The following ZMAT4 variants were observed in gnomAD, a reference collection of about 807,000 sequenced individuals.
The protein encoded by ZMAT4 is zinc finger matrin-type 4, also known as zinc finger matrin-type protein 4.
A neutral mutation model predicts 28.7 loss-of-function variants in ZMAT4; 17 were observed. That is an observed-to-expected ratio of 0.59 (90% CI 0.41 to 0.89). The LOEUF is 0.89. ZMAT4 is among the 40% of genes least tolerant of loss of function. ZMAT4 has a pLI of 0.00. For synonymous variants in ZMAT4, 117 were observed against 109.2 expected (o/e 1.07, Z -0.44); for missense variants, 240 against 283.8 (o/e 0.85, Z 1.11).
intron 5 of ZMAT4, among the ~76,000 whole-genome samples, chr8:40,669,454 C>T (rs1808579599): frequency 6.6e-6 from 1 of 151,740 alleles, no homozygotes; most frequent in Non-Finnish European, 1.5e-5. Flanking sequence ...TGACTGTCTG[C>T]CTCTCCTTCC....
At chr8:40,856,951 A>G (rs1817320590) in intron 1 of ZMAT4, among the ~76,000 whole-genome samples, 1 of 152,194 alleles carries the variant, frequency 6.6e-6, no homozygotes, top group Non-Finnish European at 1.5e-5. Context: ...TAACCAGGCA[A>G]GCTCTGCTGT....
chr8:40,695,358 C>T (rs551757097), intron 4 of ZMAT4, among the ~76,000 whole-genome samples: 1 of 152,134 alleles, frequency 6.6e-6, no homozygotes, highest in Non-Finnish European at 1.5e-5. Flanking sequence ...TGCCACTTTC[C>T]AAGATCCTTT....
At chr8:40,892,633 G>C (rs1356597382) in intron 1 of ZMAT4, among the ~76,000 whole-genome samples, 1 of 152,234 alleles carries the variant, frequency 6.6e-6, no homozygotes, top group Non-Finnish European at 1.5e-5. Flanking sequence ...ACTGACTTGG[G>C]ACATGGAGGA....
chr8:40,730,458 G>A (rs1216714407), intron 3 of ZMAT4, among the ~76,000 whole-genome samples: 2 of 152,180 alleles, frequency 1.3e-5, no homozygotes, highest in East Asian at 3.9e-4. Context: ...TTATAAATGT[G>A]CATGAATGTG....
intron 6 of ZMAT4, among the ~76,000 whole-genome samples, chr8:40,541,338 C>A (rs146483808): frequency 1.3e-5 from 2 of 152,032 alleles, no homozygotes; most frequent in African/African-American, 4.8e-5. Context: ...GATCATGGGA[C>A]GTGGTGGGAT....
At chr8:40,568,486 C>A (rs991667874) in intron 6 of ZMAT4, among the ~76,000 whole-genome samples, 1 of 152,146 alleles carries the variant, frequency 6.6e-6, no homozygotes, top group Non-Finnish European at 1.5e-5. Context: ...GAAACCCCAA[C>A]CTTGGGCAAG....
intron 6 of ZMAT4, among the ~76,000 whole-genome samples, chr8:40,580,667 T>G (rs1335632349): frequency 1.3e-5 from 2 of 152,184 alleles, no homozygotes; most frequent in African/African-American, 4.8e-5. Flanking sequence ...AAAAATGGAA[T>G]AAGTTTCCAT....
chr8:40,668,468 CAAAAAAAAAAAAAAAAAAG>C (rs1390378934), intron 5 of ZMAT4, among the ~76,000 whole-genome samples: 1 of 85,024 alleles, frequency 1.2e-5, no homozygotes, highest in Non-Finnish European at 2.3e-5. Context: ...GACTTTGTCT[CAAAAAAAAAAAAAAAAAAG>C]AAAAGAAAAA....
intron 2 of ZMAT4, among the ~76,000 whole-genome samples, chr8:40,786,036 G>A (rs1814062379): frequency 6.6e-6 from 1 of 152,148 alleles, no homozygotes; most frequent in Non-Finnish European, 1.5e-5. Context: ...TGACTTCCAT[G>A]ACAAAACACA....
In ZMAT4 at chr8:40,782,835, A is replaced by T. The variant is rs562711667; in HGVS notation, c.103-15105T>A. Reference sequence around the variant, plus strand: ...ACTGGTCATTGGTAAAATATTCACCATCATTGGTCACTGGAAAAATAGGTC... The same window carrying T: ...ACTGGTCATTGGTAAAATATTCACCTTCATTGGTCACTGGAAAAATAGGTC... On this transcript the variant is annotated intron_variant, in intron 2 of 6. Transcript: ENST00000297737. Among the ~76,000 whole-genome samples, 3 of 152,356 alleles carry T rather than the reference A, an allele frequency of 2.0e-5. No individual in the cohort carries two copies. In the South Asian group the frequency reaches 6.2e-4, roughly 32 times the overall value.
At chr8:40,762,308 A>G (rs61487714) in intron 3 of ZMAT4, among the ~76,000 whole-genome samples, 88,583 of 152,048 alleles carry the variant, frequency 0.58, 27,049 homozygotes, top group Middle Eastern at 0.71. Flanking sequence ...ATTGGGCCAT[A>G]AATCCAGTTA....
At chr8:40,664,091 T>C (rs1444803325) in intron 5 of ZMAT4, among the ~76,000 whole-genome samples, 2 of 152,158 alleles carry the variant, frequency 1.3e-5, no homozygotes, top group African/African-American at 2.4e-5. Context: ...CCTCCAGGAC[T>C]TCTATCAGCA....
At chr8:40,796,087 T>C (rs1204915960) in intron 2 of ZMAT4, among the ~76,000 whole-genome samples, 1 of 152,184 alleles carries the variant, frequency 6.6e-6, no homozygotes, top group Non-Finnish European at 1.5e-5. Context: ...TCTCCCCCTC[T>C]GGCTGACTCT....
At chr8:40,772,197 A>G (rs2150565223) in intron 2 of ZMAT4, among the ~76,000 whole-genome samples, 1 of 152,308 alleles carries the variant, frequency 6.6e-6, no homozygotes, top group East Asian at 1.9e-4. Context: ...TCAACCAGAA[A>G]TTACCAACTC....
intron 6 of ZMAT4, among the ~76,000 whole-genome samples, chr8:40,538,640 A>G (rs1465445512): frequency 6.6e-6 from 1 of 152,138 alleles, no homozygotes; most frequent in African/African-American, 2.4e-5. Context: ...CACTTACAGA[A>G]CTCGAAATCT....
chr8:40,673,819 C>T (rs558683974), intron 5 of ZMAT4, among the ~76,000 whole-genome samples: 13 of 152,082 alleles, frequency 8.5e-5, no homozygotes, highest in Non-Finnish European at 1.8e-4. Flanking sequence ...TCTGTGAAAC[C>T]TCACAGGAAC....
intron 3 of ZMAT4, among the ~76,000 whole-genome samples, chr8:40,698,446 T>C (rs1809990180): frequency 6.6e-6 from 1 of 152,172 alleles, no homozygotes; most frequent in Non-Finnish European, 1.5e-5. Context: ...AATAAGAAGT[T>C]AATCTATTCC....
intron 1 of ZMAT4, among the ~76,000 whole-genome samples, chr8:40,859,456 G>GCACA (rs71546312): frequency 1.1e-4 from 17 of 148,578 alleles, no homozygotes; most frequent in Admixed American, 3.3e-4. Context: ...GTCTAGCAAC[G>GCACA]CACACACACA....
chr8:40,653,415 G>T lies in ZMAT4; in HGVS notation c.577+21289C>A, dbSNP rs191243784. Reference sequence around the variant, plus strand: ...AGGAAGGAAATAATACATTAGAATAGAAGAAGATGAAATAGATTATAGAAA... The same window carrying T: ...AGGAAGGAAATAATACATTAGAATATAAGAAGATGAAATAGATTATAGAAA... On this transcript the variant is annotated intron_variant, in intron 5 of 6. Transcript: ENST00000297737. 5.3e-5 allele frequency among the ~76,000 whole-genome samples: 8 copies of T among 152,046 alleles called. No individual in the cohort carries two copies. The East Asian group carries it at 1.5e-3, about 29-fold the overall frequency.
Sources: allele counts gnomAD v4.1 joint callset (sites outside exome capture counted in the v4.1 genomes callset), GRCh38; gene constraint gnomAD v4.1.1; transcripts MANE v1.5; gene names NCBI Gene and HGNC (gene_info 2026-07-23, HGNC 2026-07-21).